Variants in ZNF618 observed in about 807,000 individuals in gnomAD.
ZNF618 encodes the protein zinc finger protein 618, also known as neural precursor cell expressed, developmentally down-regulated 10.
ZNF618 carries 34 observed loss-of-function variants against 103.0 expected under a neutral mutation model. The observed-to-expected ratio is 0.33, with a 90% CI of 0.25 to 0.44. The LOEUF (loss-of-function observed/expected upper bound fraction) is 0.44. Among genes scored for constraint, ZNF618 ranks in the 20% least tolerant of loss-of-function variants. The pLI is 1.00. For synonymous variants in ZNF618, 551 were observed against 542.2 expected, an observed-to-expected ratio of 1.02 and a Z score of -0.23; for missense variants, 1,059 against 1,295.4, an observed-to-expected ratio of 0.82 and a Z score of 2.80.
At chr9:113,921,655 A>G (rs1832662423) in intron 1 of ZNF618, among the ~76,000 whole-genome samples, 1 of 152,232 alleles carries the variant, frequency 6.6e-6, no homozygotes, top group Non-Finnish European at 1.5e-5. Flanking sequence ...GAAACAGAAC[A>G]TGATCTGGAA....
At chr9:113,890,947 T>C (rs1301857838) in intron 1 of ZNF618, among the ~76,000 whole-genome samples, 1 of 152,242 alleles carries the variant, frequency 6.6e-6, no homozygotes, top group Admixed American at 6.5e-5. Flanking sequence ...ATTTTTCTCT[T>C]GCGGTGTTTG....
intron 3 of ZNF618, among the ~76,000 whole-genome samples, chr9:113,995,941 C>T (rs563690769): frequency 1.1e-4 from 16 of 152,142 alleles, no homozygotes; most frequent in Non-Finnish European, 1.9e-4. Context: ...TGGGAAGAAC[C>T]AGCGAGTGGG....
Position 113,969,112 on chromosome 9 carries a change from T to G in ZNF618, c.34-5T>G. The G allele has an allele frequency of 1.9e-6, 3 of 1,613,988 alleles. No homozygotes were observed. Among genetic ancestry groups the G allele is most frequent in the Non-Finnish European group, 2.5e-6 (3 of 1,179,884 alleles). On this transcript the variant is annotated splice_polypyrimidine_tract_variant and splice_region_variant and intron_variant, in intron 1 of 14. Transcript: ENST00000374126. ...TGATGTAGGTGTTTTGGGTTTCTTT[T>G]GCAGGCTGACGGAGCCAGTGCAGCC...
Position 113,988,644 on chromosome 9 carries a change from G to A in ZNF618, c.337+64G>A, listed in dbSNP as rs1839721623. 4 of 1,518,018 alleles carry A rather than the reference G, an allele frequency of 2.6e-6. No individual in the cohort carries two copies. The African/African-American group carries it at 5.5e-5, about 21-fold the overall frequency. The allele number at this position is 1,518,018 out of a possible 1,614,324, so 94.0% of individuals were successfully genotyped here. A position where few individuals can be genotyped will look rare whatever the true frequency, so the allele number is the denominator to read the frequency against. On this transcript the variant is annotated intron_variant, in intron 3 of 14. Coordinates refer to ENST00000374126, the MANE Select transcript of ZNF618 (RefSeq NM_001318042.2). ...GTGGGAACATGGAGTCAGAGTCCTG[G>A]GGAAAAGCGGCCTGGCGCCTCTGCC...
At chr9:113,900,131 C>T (rs1830388025) in intron 1 of ZNF618, among the ~76,000 whole-genome samples, 1 of 152,078 alleles carries the variant, frequency 6.6e-6, no homozygotes, top group Non-Finnish European at 1.5e-5. Flanking sequence ...TATCTCGGCT[C>T]ACTGCAACCT....
chr9:113,927,484 G>A lies in ZNF618; in HGVS notation c.34-41633G>A, dbSNP rs548465651. ...TGTGGTGCTAAGGACTGGGCGAGGGGTAGTGTTCTAGAATCCTCTCATTGG... is the reference window on the plus strand; with the variant it reads ...TGTGGTGCTAAGGACTGGGCGAGGGATAGTGTTCTAGAATCCTCTCATTGG... On this transcript the variant is annotated intron_variant, in intron 1 of 14. Coordinates refer to ENST00000374126, the MANE Select transcript of ZNF618 (RefSeq NM_001318042.2). Among the ~76,000 whole-genome samples the A allele has an allele frequency of 7.2e-5, 11 of 152,332 alleles. 1 individual carries two copies. The highest frequency in any genetic ancestry group is 2.6e-4 in the African/African-American group (11 of 41,576).
At chr9:113,964,621 G>T (rs1588168971) in intron 1 of ZNF618, among the ~76,000 whole-genome samples, 2 of 151,792 alleles carry the variant, frequency 1.3e-5, no homozygotes, top group Non-Finnish European at 2.9e-5. Flanking sequence ...ACACACAGCG[G>T]TTCCCCACGT....
intron 1 of ZNF618, among the ~76,000 whole-genome samples, chr9:113,889,131 G>A (rs1829356862): frequency 2.0e-5 from 3 of 152,136 alleles, no homozygotes; most frequent in South Asian, 4.2e-4. Flanking sequence ...ATTGTCTCAT[G>A]GTTTCTGTGG....
chr9:113,882,814 C>G (rs1193714566), intron 1 of ZNF618, among the ~76,000 whole-genome samples: 1 of 152,174 alleles, frequency 6.6e-6, no homozygotes, highest in Non-Finnish European at 1.5e-5. Context: ...CCCCTTCCCT[C>G]ATTCATATCT....
intron 13 of ZNF618, among the ~76,000 whole-genome samples, chr9:114,039,143 G>T (rs1385394141): frequency 1.3e-5 from 2 of 152,142 alleles, no homozygotes; most frequent in African/African-American, 2.4e-5. Context: ...GCAGCCTCAG[G>T]TAGACCCTGA....
chr9:113,884,768 A>AAC (rs763158809), intron 1 of ZNF618, among the ~76,000 whole-genome samples: 2,424 of 119,814 alleles, frequency 0.02, 44 homozygotes, highest in East Asian at 0.11. Context: ...TCGAGACACA[A>AAC]ACACACAGAG....
intron 13 of ZNF618, among the ~76,000 whole-genome samples, chr9:114,044,451 G>T (rs1314401877): frequency 6.6e-6 from 1 of 152,182 alleles, no homozygotes; most frequent in East Asian, 1.9e-4. Flanking sequence ...TAGCCTTGTA[G>T]TATAGTTCGA....
chr9:113,916,930 AG>A (rs774426398), intron 1 of ZNF618, among the ~76,000 whole-genome samples: 3 of 152,192 alleles, frequency 2.0e-5, no homozygotes, highest in Non-Finnish European at 4.4e-5. Context: ...TACTGGCTCG[AG>A]GACTGAATCT....
rs536280186 is a variant in ZNF618, at chr9:113,966,242, T to G, written c.34-2875T>G. 4.6e-5 allele frequency among the ~76,000 whole-genome samples: 7 copies of G among 152,314 alleles called. No homozygotes were observed. The East Asian group carries it at 1.3e-3, about 29-fold the overall frequency. On this transcript the variant is annotated intron_variant, in intron 1 of 14. Coordinates refer to ENST00000374126, the MANE Select transcript of ZNF618 (RefSeq NM_001318042.2). Reference sequence around the variant, plus strand: ...TGAAGTAGGTCCTGTGATGAGCATCTTGCCATTTTGCAGAGGGAGAAATCG... The same window carrying G: ...TGAAGTAGGTCCTGTGATGAGCATCGTGCCATTTTGCAGAGGGAGAAATCG...
chr9:114,005,842 A>T (rs1841700994), intron 6 of ZNF618, among the ~76,000 whole-genome samples: 1 of 152,236 alleles, frequency 6.6e-6, no homozygotes, highest in South Asian at 2.1e-4. Flanking sequence ...GGCCCCAGGA[A>T]TCAGCTCATC....
At chr9:113,932,999 C>A (rs1177274711) in intron 1 of ZNF618, among the ~76,000 whole-genome samples, 1 of 152,122 alleles carries the variant, frequency 6.6e-6, no homozygotes, top group Non-Finnish European at 1.5e-5. Context: ...AGGAACCGGT[C>A]AATGGACCAA....
chr9:114,037,566 TG>T (rs1564333501), intron 13 of ZNF618, among the ~76,000 whole-genome samples: 1 of 152,180 alleles, frequency 6.6e-6, no homozygotes, highest in African/African-American at 2.4e-5. Flanking sequence ...TTAGAAATAA[TG>T]GGTGAGACGT....
At chr9:113,957,046 G>A (rs1174879929) in intron 1 of ZNF618, among the ~76,000 whole-genome samples, 3 of 152,212 alleles carry the variant, frequency 2.0e-5, no homozygotes, top group Non-Finnish European at 4.4e-5. Context: ...CACATAGTAT[G>A]TAAGTGGTGG....
intron 1 of ZNF618, among the ~76,000 whole-genome samples, chr9:113,944,051 A>G (rs1216043010): frequency 2.0e-5 from 3 of 152,204 alleles, no homozygotes; most frequent in African/African-American, 7.2e-5. Flanking sequence ...TCTTACAACT[A>G]TTAGGCTCCC....
Sources: gnomAD v4.1 joint callset for allele counts (sites outside exome capture counted in the v4.1 genomes callset) on GRCh38, gnomAD v4.1.1 for gene constraint, MANE v1.5 for transcripts, NCBI Gene and HGNC (gene_info 2026-07-23, HGNC 2026-07-21) for gene names.